Variants in STK33 observed in about 807,000 individuals in gnomAD.
The protein encoded by STK33 is serine/threonine-protein kinase 33.
In STK33, 52 loss-of-function variants were observed where a neutral mutation model predicts 58.0. The ratio of observed to expected loss-of-function variants is 0.90; its 90% CI spans 0.72 to 1.13. The LOEUF is 1.13. Ranked by LOEUF, STK33 falls within the 50% of genes most tolerant of loss-of-function variation. The probability of loss-of-function intolerance (pLI) is 0.00; values close to 1 mark genes in which losing one functional copy is unlikely to be tolerated. For missense variants in STK33, 630 were observed against 604.2 expected (o/e 1.04, Z -0.45); for synonymous variants, 215 against 200.1 (o/e 1.07, Z -0.63).
chr11:8,511,452 A>G (rs2139463653), intron 1 of STK33, among the ~76,000 whole-genome samples: 1 of 152,218 alleles, frequency 6.6e-6, no homozygotes, highest in South Asian at 2.1e-4. Flanking sequence ...CTCTTTTCCA[A>G]TCTGGGTGCC....
At chr11:8,535,001 G>A (rs996018759) in intron 1 of STK33, among the ~76,000 whole-genome samples, 1 of 152,176 alleles carries the variant, frequency 6.6e-6, no homozygotes, top group Admixed American at 6.5e-5. Flanking sequence ...AGACGTCAGA[G>A]AAGGGGAGAG....
In STK33 at chr11:8,447,992, AACAG is replaced by A. The variant is rs900700952; in HGVS notation, c.871+4826_871+4829del. On this transcript the variant is annotated intron_variant, in intron 11 of 15. Transcript: ENST00000687296. Reference sequence around the variant, plus strand: ...ATCACAAGCATTCTTATACACCAATAACAGACAGACAGCCAAATCGTTAGTGAAC... The same window carrying A: ...ATCACAAGCATTCTTATACACCAATAACAGACAGCCAAATCGTTAGTGAAC... 3.1e-4 allele frequency among the ~76,000 whole-genome samples: 47 copies of A among 152,128 alleles called. 1 individual carries two copies. The highest frequency in any genetic ancestry group is 1.0e-3 in the African/African-American group (42 of 41,438).
At chr11:8,476,549 G>C (rs1949295336) in intron 4 of STK33, 138 bp downstream of exon 4, 1 of 152,206 alleles carries the variant, frequency 6.6e-6, no homozygotes, top group Admixed American at 6.5e-5. Context: ...TTGCCCTTCT[G>C]CTTCCTCTGC....
At chr11:8,483,114 A>G (rs1949952173) in intron 1 of STK33, among the ~76,000 whole-genome samples, 1 of 152,186 alleles carries the variant, frequency 6.6e-6, no homozygotes, top group African/African-American at 2.4e-5. Context: ...GACACATATT[A>G]TTGCTTTAAA....
At chr11:8,444,463 T>A (rs1464258649) in intron 11 of STK33, among the ~76,000 whole-genome samples, 1 of 152,178 alleles carries the variant, frequency 6.6e-6, no homozygotes, top group Non-Finnish European at 1.5e-5. Context: ...TTGTTCACTG[T>A]TGTATTTTTA....
chr11:8,397,712 A>G (rs181484675), intron 15 of STK33, among the ~76,000 whole-genome samples: 3 of 151,784 alleles, frequency 2.0e-5, no homozygotes, highest in East Asian at 3.9e-4. Flanking sequence ...AAAAACCTTG[A>G]AAAAAAAATA....
chr11:8,506,687 T>C (rs1951886155), intron 1 of STK33, among the ~76,000 whole-genome samples: 2 of 152,068 alleles, frequency 1.3e-5, no homozygotes, highest in African/African-American at 2.4e-5. Context: ...CCATTTAGGG[T>C]AACATTTTTA....
At chr11:8,557,430 A>G (rs1317277795) in intron 1 of STK33, among the ~76,000 whole-genome samples, 1 of 151,866 alleles carries the variant, frequency 6.6e-6, no homozygotes, top group East Asian at 1.9e-4. Context: ...TTTCAACTTA[A>G]AGCTGAATTC....
intron 1 of STK33, among the ~76,000 whole-genome samples, chr11:8,564,051 A>G (rs1957289587): frequency 6.6e-6 from 1 of 152,214 alleles, no homozygotes; most frequent in African/African-American, 2.4e-5. Context: ...CAAGCATGCA[A>G]ATAAACACTT....
intron 1 of STK33, among the ~76,000 whole-genome samples, chr11:8,507,340 T>G (rs1951937581): frequency 6.6e-6 from 1 of 152,170 alleles, no homozygotes; most frequent in Non-Finnish European, 1.5e-5. Context: ...CTATTTGTGT[T>G]TTAGTTTACT....
intron 6 of STK33, among the ~76,000 whole-genome samples, chr11:8,471,918 A>ATTAT: frequency 6.6e-6 from 1 of 152,142 alleles, no homozygotes; most frequent in Non-Finnish European, 1.5e-5. Flanking sequence ...GACTAAATTT[A>ATTAT]TTATTTATTT....
chr11:8,492,708 C>T, intron 1 of STK33, among the ~76,000 whole-genome samples: 1 of 152,164 alleles, frequency 6.6e-6, no homozygotes, highest in Non-Finnish European at 1.5e-5. Flanking sequence ...CAAAGCTCTC[C>T]TCAGCAAATG....
At chr11:8,585,173 G>A (rs535625610) in intron 1 of STK33, among the ~76,000 whole-genome samples, 10 of 142,990 alleles carry the variant, frequency 7.0e-5, no homozygotes, top group South Asian at 4.5e-4. Context: ...TCCACCTGCC[G>A]TGGCCTTCCA....
At chr11:8,557,156 T>G (rs1407626065) in intron 1 of STK33, among the ~76,000 whole-genome samples, 1 of 147,150 alleles carries the variant, frequency 6.8e-6, no homozygotes, top group Non-Finnish European at 1.5e-5. Context: ...GAGGCTGAGG[T>G]AGGAGGATCA....
At chr11:8,351,769 T>C in the STK33 span, among the ~76,000 whole-genome samples, 1 of 152,266 alleles carries the variant, frequency 6.6e-6, no homozygotes, top group African/African-American at 2.4e-5. Context: ...CCATGCCTGG[T>C]CCATTCCACC....
chr11:8,335,512 C>T, the STK33 span, among the ~76,000 whole-genome samples: 1 of 152,192 alleles, frequency 6.6e-6, no homozygotes, highest in East Asian at 1.9e-4. Context: ...TCTCTCCTGA[C>T]AGCCAGTGTC....
intron 1 of STK33, among the ~76,000 whole-genome samples, chr11:8,518,696 T>C (rs575714767): frequency 6.6e-6 from 1 of 152,258 alleles, no homozygotes; most frequent in Admixed American, 6.5e-5. Flanking sequence ...GCAATCCTAG[T>C]CTCTGATAAA....
chr11:8,347,372 G>A, the STK33 span, among the ~76,000 whole-genome samples: 8 of 152,328 alleles, frequency 5.3e-5, no homozygotes, highest in Non-Finnish European at 7.3e-5. Context: ...GTCTGCATCA[G>A]CCACATATAA....
intron 8 of STK33, among the ~76,000 whole-genome samples, chr11:8,458,317 G>A (rs954445284): frequency 5.9e-5 from 9 of 151,600 alleles, no homozygotes; most frequent in African/African-American, 2.2e-4. Context: ...TTTACTTCTA[G>A]ACTTGAAAAT....
Sources: allele counts gnomAD v4.1 joint callset (sites outside exome capture counted in the v4.1 genomes callset), GRCh38; gene constraint gnomAD v4.1.1; transcripts MANE v1.5; gene names NCBI Gene and HGNC (gene_info 2026-07-23, HGNC 2026-07-21).